CREB5: variants seen among roughly 807,000 people sequenced by gnomAD.
CREB5 encodes the protein cAMP responsive element binding protein 5, also known as cyclic AMP-responsive element-binding protein 5.
Under a neutral mutation model 57.1 loss-of-function variants are expected in CREB5, and 19 were observed. That is an observed-to-expected ratio of 0.33 (90% CI 0.23 to 0.49). The LOEUF is 0.49. Among genes scored for constraint, CREB5 ranks in the 20% least tolerant of loss-of-function variants. CREB5 has a pLI of 0.99. For synonymous variants in CREB5, 238 were observed against 238.3 expected, an observed-to-expected ratio of 1.00 and a Z score of 0.01; for missense variants, 579 against 671.6, an observed-to-expected ratio of 0.86 and a Z score of 1.52.
chr7:28,456,199 C>G (rs1027840204), intron 1 of CREB5, among the ~76,000 whole-genome samples: 2 of 151,962 alleles, frequency 1.3e-5, no homozygotes, highest in African/African-American at 4.8e-5. Flanking sequence ...AAAAAATGTT[C>G]CCTCTGAAGC....
chr7:28,322,527 T>TATCAACCCA (rs1785511357), intron 1 of CREB5, among the ~76,000 whole-genome samples: 1 of 152,154 alleles, frequency 6.6e-6, no homozygotes, highest in African/African-American at 2.4e-5. Flanking sequence ...TTGTTGCACC[T>TATCAACCCA]ATCAACCCAT....
chr7:28,508,067 G>C (rs1792556393), intron 4 of CREB5, among the ~76,000 whole-genome samples: 1 of 152,152 alleles, frequency 6.6e-6, no homozygotes, highest in African/African-American at 2.4e-5. Flanking sequence ...TAATCTTCAT[G>C]GTAGAAGAGG....
rs563053730 is a variant in CREB5 at position 28,362,844 on chromosome 7, C to T, written c.-25+63403C>T. Among the ~76,000 whole-genome samples the T allele has an allele frequency of 1.9e-4, 29 of 152,228 alleles. No homozygotes were observed. The South Asian group carries it at 5.8e-3, about 31-fold the overall frequency. Reference sequence around the variant, plus strand: ...GATGAAGCTGGTTAAAAGTTTGACACCCCTGAGGCTCAGTTTTCTCATCTG... The same window carrying T: ...GATGAAGCTGGTTAAAAGTTTGACATCCCTGAGGCTCAGTTTTCTCATCTG... On this transcript the variant is annotated intron_variant, in intron 1 of 9. Coordinates refer to the CREB5 transcript ENST00000396299.
At chr7:28,718,240 G>A (rs562942930) in intron 5 of CREB5, among the ~76,000 whole-genome samples, 3 of 152,326 alleles carry the variant, frequency 2.0e-5, no homozygotes, top group Admixed American at 6.5e-5. Context: ...AGTGGAGAAC[G>A]CTGAAAAAGT....
At chr7:28,588,967 C>T (rs1308408700) in intron 5 of CREB5, among the ~76,000 whole-genome samples, 1 of 152,148 alleles carries the variant, frequency 6.6e-6, no homozygotes, top group Non-Finnish European at 1.5e-5. Flanking sequence ...TTCCCACCTG[C>T]CCAGCTTTCT....
At chr7:28,676,114 G>C (rs1225819370) in intron 5 of CREB5, among the ~76,000 whole-genome samples, 1 of 152,090 alleles carries the variant, frequency 6.6e-6, no homozygotes, top group Non-Finnish European at 1.5e-5. Flanking sequence ...GATGAAATAG[G>C]CTTGGTGGCC....
At chr7:28,559,527 C>G (rs147791589) in intron 4 of CREB5, among the ~76,000 whole-genome samples, 2,139 of 152,198 alleles carry the variant, frequency 0.014, 27 homozygotes, top group Middle Eastern at 0.045. Flanking sequence ...GTTGCCCAGG[C>G]TGGTTGCAAA....
intron 5 of CREB5, among the ~76,000 whole-genome samples, chr7:28,668,007 T>A (rs1288520083): frequency 2.0e-5 from 3 of 152,324 alleles, no homozygotes; most frequent in South Asian, 2.1e-4. Flanking sequence ...TAATCATACT[T>A]CTTCTTGCAT....
intron 1 of CREB5, among the ~76,000 whole-genome samples, chr7:28,324,466 TA>T (rs372694218): frequency 3.7e-4 from 57 of 152,202 alleles, no homozygotes; most frequent in African/African-American, 1.0e-3. Context: ...GATATGCCTT[TA>T]AAAAAATATC....
intron 1 of CREB5, among the ~76,000 whole-genome samples, chr7:28,421,910 GTGTGT>G (rs1296228745): frequency 1.2e-4 from 17 of 140,628 alleles, no homozygotes; most frequent in South Asian, 2.2e-4. Flanking sequence ...TATAGAGAGA[GTGTGT>G]ATGTGTGTGT....
chr7:28,408,951 C>G (rs1415456869), upstream of CREB5, among the ~76,000 whole-genome samples: 2 of 152,098 alleles, frequency 1.3e-5, no homozygotes, highest in Non-Finnish European at 2.9e-5. Context: ...TCCCCCTCCC[C>G]ACCTCTCCCC....
intron 5 of CREB5, among the ~76,000 whole-genome samples, chr7:28,679,052 C>CTTTTTTT (rs56266854): frequency 2.3e-4 from 29 of 123,858 alleles, no homozygotes; most frequent in Admixed American, 7.9e-4. Context: ...TTTTGTAGTT[C>CTTTTTTT]TTTTTTTTTT....
intron 5 of CREB5, among the ~76,000 whole-genome samples, chr7:28,700,522 A>C (rs1432729506): frequency 6.6e-6 from 1 of 152,212 alleles, no homozygotes; most frequent in Non-Finnish European, 1.5e-5. Flanking sequence ...ACAACAACAA[A>C]AAAACTTTAA....
chr7:28,724,710 A>G (rs983269624), intron 7 of CREB5: 10 of 167,478 alleles, frequency 6.0e-5, no homozygotes, highest in East Asian at 1.7e-4. Context: ...TCCTGTCCCC[A>G]TATTCATTAA....
At chr7:28,424,875 T>C (rs1285142833) in intron 1 of CREB5, among the ~76,000 whole-genome samples, 3 of 152,266 alleles carry the variant, frequency 2.0e-5, no homozygotes, top group African/African-American at 7.2e-5. Context: ...TTTATGTCTA[T>C]GTGCTTCCTT....
At chr7:28,526,018 C>T (rs1195218566) in intron 4 of CREB5, among the ~76,000 whole-genome samples, 2 of 152,168 alleles carry the variant, frequency 1.3e-5, no homozygotes, top group African/African-American at 2.4e-5. Flanking sequence ...GAGATTTCAG[C>T]GCCAAATCTG....
intron 5 of CREB5, among the ~76,000 whole-genome samples, chr7:28,662,827 A>T (rs1222562025): frequency 6.6e-6 from 1 of 152,090 alleles, no homozygotes; most frequent in African/African-American, 2.4e-5. Flanking sequence ...GATGCAGAGG[A>T]TGGTATACAT....
intron 5 of CREB5, among the ~76,000 whole-genome samples, chr7:28,592,573 C>A (rs1796558745): frequency 6.6e-6 from 1 of 152,084 alleles, no homozygotes; most frequent in Non-Finnish European, 1.5e-5. Flanking sequence ...CCCCACGCAG[C>A]TGGGATGGTT....
At chr7:28,554,865 C>T (rs1019670793) in intron 4 of CREB5, among the ~76,000 whole-genome samples, 3 of 152,200 alleles carry the variant, frequency 2.0e-5, no homozygotes, top group Non-Finnish European at 4.4e-5. Context: ...AGGAGGGAAG[C>T]GGACTTGGGG....
Sources: allele counts gnomAD v4.1 joint callset (sites outside exome capture counted in the v4.1 genomes callset), GRCh38; gene constraint gnomAD v4.1.1; transcripts MANE v1.5; gene names NCBI Gene and HGNC (gene_info 2026-07-23, HGNC 2026-07-21).